The following IGSF11 variants were observed in gnomAD, a reference collection of about 807,000 sequenced individuals.
The protein encoded by IGSF11 is immunoglobulin superfamily member 11.
IGSF11 carries 22 observed loss-of-function variants against 41.0 expected under a neutral mutation model. The observed-to-expected ratio is 0.54, with a 90% CI of 0.38 to 0.77. IGSF11 has a LOEUF of 0.77. Ranked by LOEUF, IGSF11 falls within the 30% of genes least tolerant of loss-of-function variation. The probability of loss-of-function intolerance (pLI) is 0.00; values close to 1 mark genes in which losing one functional copy is unlikely to be tolerated. For missense variants in IGSF11, 444 were observed against 530.8 expected, an observed-to-expected ratio of 0.84 and a Z score of 1.61; for synonymous variants, 219 against 201.3, an observed-to-expected ratio of 1.09 and a Z score of -0.74.
chr3:119,059,215 A>G (rs1218300549), intron 1 of IGSF11, among the ~76,000 whole-genome samples: 1 of 148,668 alleles, frequency 6.7e-6, no homozygotes, highest in Non-Finnish European at 1.5e-5. Context: ...ACACCACACC[A>G]TGGAAACTAC....
chr3:118,939,777 A>T (rs952257825), intron 1 of IGSF11, among the ~76,000 whole-genome samples: 1 of 152,172 alleles, frequency 6.6e-6, no homozygotes, highest in Admixed American at 6.5e-5. Context: ...ATAATCAATG[A>T]CCTAAGTTTC....
At chr3:119,016,181 CTG>C (rs1010077859) in intron 1 of IGSF11, among the ~76,000 whole-genome samples, 214 of 152,300 alleles carry the variant, frequency 1.4e-3, no homozygotes, top group African/African-American at 4.9e-3. Flanking sequence ...TCACACTGGG[CTG>C]TGGGGCACAG....
chr3:118,946,723 G>A (rs1944172606), intron 1 of IGSF11, among the ~76,000 whole-genome samples: 1 of 152,160 alleles, frequency 6.6e-6, no homozygotes, highest in African/African-American at 2.4e-5. Flanking sequence ...TTATGACAAG[G>A]TAAAACAATA....
At chr3:118,946,563 A>G (rs540845062) in intron 1 of IGSF11, among the ~76,000 whole-genome samples, 10 of 152,282 alleles carry the variant, frequency 6.6e-5, no homozygotes, top group African/African-American at 2.2e-4. Context: ...CTATTCCTGA[A>G]TAAGACTGAC....
chr3:119,097,894 G>A (rs546164096), intron 1 of IGSF11, among the ~76,000 whole-genome samples: 22 of 148,728 alleles, frequency 1.5e-4, no homozygotes, highest in Admixed American at 2.0e-4. Flanking sequence ...AGGTTCAAGC[G>A]ATCCTCCCAC....
intron 1 of IGSF11, among the ~76,000 whole-genome samples, chr3:118,969,235 A>G: frequency 6.6e-6 from 1 of 152,206 alleles, no homozygotes; most frequent in Admixed American, 6.5e-5. Context: ...AGTGACTATA[A>G]AAATAAAGAA....
chr3:119,025,819 T>C (rs1187473501), intron 1 of IGSF11, among the ~76,000 whole-genome samples: 1 of 152,234 alleles, frequency 6.6e-6, no homozygotes, highest in East Asian at 1.9e-4. Flanking sequence ...AGGGTATATG[T>C]ACAAAGATGA....
chr3:118,936,853 C>T (rs1399686348), intron 1 of IGSF11, among the ~76,000 whole-genome samples: 2 of 152,076 alleles, frequency 1.3e-5, no homozygotes, highest in Non-Finnish European at 2.9e-5. Flanking sequence ...CTTTAAAAAT[C>T]CTAGGAGGTA....
At chr3:119,001,289 C>T (rs1036041053) in intron 1 of IGSF11, among the ~76,000 whole-genome samples, 1 of 150,900 alleles carries the variant, frequency 6.6e-6, no homozygotes. Context: ...AATTTACTTA[C>T]TTATATTTAT....
At chr3:118,909,405 T>G (rs1211495491) in intron 4 of IGSF11, among the ~76,000 whole-genome samples, 1 of 152,156 alleles carries the variant, frequency 6.6e-6, no homozygotes, top group African/African-American at 2.4e-5. Flanking sequence ...CTGAAAAAGA[T>G]ATTTAATTTT....
chr3:119,026,167 T>A (rs537245045), intron 1 of IGSF11, among the ~76,000 whole-genome samples: 1 of 152,348 alleles, frequency 6.6e-6, no homozygotes, highest in South Asian at 2.1e-4. Context: ...GTTTTTACCC[T>A]AGAATATGTT....
intron 1 of IGSF11, among the ~76,000 whole-genome samples, chr3:119,071,926 T>C (rs2076405757): frequency 6.6e-6 from 1 of 152,204 alleles, no homozygotes; most frequent in Non-Finnish European, 1.5e-5. Flanking sequence ...TTAATTTGGA[T>C]TGTCATATTA....
chr3:119,015,869 C>A (rs930331687), intron 1 of IGSF11, among the ~76,000 whole-genome samples: 2 of 152,114 alleles, frequency 1.3e-5, no homozygotes, highest in Non-Finnish European at 2.9e-5. Flanking sequence ...CCACTTGGTG[C>A]GGGTAGGCAT....
In IGSF11 at chr3:118,916,460, G is replaced by C. The variant is rs375959305; in HGVS notation, c.580+9641C>G. On this transcript the variant is annotated intron_variant, in intron 4 of 6. Transcript: ENST00000393775. ...AAAAAAGGCAGGGGTTGCAATCCTA[G>C]TCTCTGATAAAACAGACTTTAAACC... Among the ~76,000 whole-genome samples the C allele has an allele frequency of 2.0e-4, 30 of 152,036 alleles. No homozygotes were observed. In the East Asian group the frequency reaches 3.9e-3, roughly 20 times the overall value.
chr3:118,976,123 A>G (rs574347927), intron 1 of IGSF11, among the ~76,000 whole-genome samples: 20 of 152,282 alleles, frequency 1.3e-4, no homozygotes, highest in African/African-American at 4.1e-4. Flanking sequence ...GCCCAGCCCT[A>G]AAGGCAGTTT....
intron 1 of IGSF11, among the ~76,000 whole-genome samples, chr3:118,936,294 G>A (rs1943269577): frequency 6.6e-6 from 1 of 151,784 alleles, no homozygotes; most frequent in South Asian, 2.1e-4. Context: ...ATCACTTGAG[G>A]TCGGGAGTTC....
intron 1 of IGSF11, among the ~76,000 whole-genome samples, chr3:119,059,179 T>TCA (rs144416307): frequency 0.037 from 5,533 of 147,894 alleles, 226 homozygotes; most frequent in African/African-American, 0.11. Context: ...TATACACAGA[T>TCA]CACACACACA....
At chr3:118,944,282 T>C (rs1943943499) in intron 1 of IGSF11, among the ~76,000 whole-genome samples, 1 of 152,194 alleles carries the variant, frequency 6.6e-6, no homozygotes, top group Non-Finnish European at 1.5e-5. Flanking sequence ...TAGGTTCTAA[T>C]ACAATGTATC....
chr3:119,061,768 T>C (rs901735869), intron 1 of IGSF11, among the ~76,000 whole-genome samples: 1 of 104,402 alleles, frequency 9.6e-6, no homozygotes, highest in Non-Finnish European at 1.9e-5. Flanking sequence ...CCTACTAAGA[T>C]TTAACTATAG....
Sources: allele counts gnomAD v4.1 joint callset (sites outside exome capture counted in the v4.1 genomes callset), GRCh38; gene constraint gnomAD v4.1.1; transcripts MANE v1.5; gene names NCBI Gene and HGNC (gene_info 2026-07-23, HGNC 2026-07-21).